Variants in TMEFF1 observed in about 807,000 individuals in gnomAD.
The protein encoded by TMEFF1 is tomoregulin-1.
In TMEFF1, 20 loss-of-function variants were observed where a neutral mutation model predicts 47.5. That is an observed-to-expected ratio of 0.42 (90% CI 0.30 to 0.61). The LOEUF is 0.61. Ranked by LOEUF, TMEFF1 falls within the 20% of genes least tolerant of loss-of-function variation. TMEFF1 has a pLI of 0.19. For synonymous variants in TMEFF1, 162 were observed against 166.3 expected, an observed-to-expected ratio of 0.97 and a Z score of 0.20; for missense variants, 411 against 471.1, an observed-to-expected ratio of 0.87 and a Z score of 1.18.
intron 3 of TMEFF1, among the ~76,000 whole-genome samples, chr9:100,512,849 A>T (rs1564014484): frequency 1.3e-5 from 2 of 151,986 alleles, no homozygotes; most frequent in Non-Finnish European, 2.9e-5. Flanking sequence ...TTTGGTCTTT[A>T]TCCGCAGATT....
chr9:100,497,320 C>CTTTTTTTTTTTTTT lies in TMEFF1; in HGVS notation c.197-1434_197-1421dup, dbSNP rs752427622. ...TCTTGCTTTAAGTTTCCACTCATGT[C>CTTTTTTTTTTTTTT]TTTTTTTTTTTTTTTTTTTTTTTTG... is the stretch of plus-strand genomic sequence containing the variant. On this transcript the variant is annotated intron_variant, in intron 1 of 9. Transcript: ENST00000374879. 7.8e-3 allele frequency among the ~76,000 whole-genome samples: 462 copies of CTTTTTTTTTTTTTT among 59,522 alleles called. 46 individuals carry two copies. The highest frequency in any genetic ancestry group is 9.4e-3 in the Non-Finnish European group (302 of 32,026). The allele number at this position is 59,522 out of a possible 152,430, so 39.0% of individuals were successfully genotyped here. A position where few individuals can be genotyped will look rare whatever the true frequency, so the allele number is the denominator to read the frequency against.
chr9:100,550,069 A>G (rs772562929), intron 6 of TMEFF1, 26 bp from the exon 7 acceptor site: 25 of 1,597,270 alleles, frequency 1.6e-5, no homozygotes, highest in Non-Finnish European at 2.0e-5. Flanking sequence ...TATATATTTT[A>G]ATTTGAAAAC....
intron 7 of TMEFF1, among the ~76,000 whole-genome samples, chr9:100,553,515 A>G (rs908445745): frequency 4.6e-5 from 7 of 152,214 alleles, no homozygotes; most frequent in African/African-American, 1.7e-4. Flanking sequence ...CTTAGCTCTT[A>G]GAGAAGAGTG....
Position 100,532,564 on chromosome 9 carries a change from C to T in TMEFF1, c.561-15180C>T, listed in dbSNP as rs1198785175. ...TACCATCTCACACTAGTTAGAATGG[C>T]GATCATTAAAAAGTCAGGAAACAAC... On this transcript the variant is annotated intron_variant, in intron 5 of 9. Coordinates refer to ENST00000374879, the MANE Select transcript of TMEFF1 (RefSeq NM_003692.5). Among the ~76,000 whole-genome samples, 154 of 151,798 alleles carry T rather than the reference C, an allele frequency of 1.0e-3. 1 individual carries two copies. The East Asian group carries it at 0.027, about 26-fold the overall frequency.
At chr9:100,555,146 T>C (rs533424666) in intron 7 of TMEFF1, among the ~76,000 whole-genome samples, 4 of 150,818 alleles carry the variant, frequency 2.7e-5, no homozygotes, top group African/African-American at 9.8e-5. Flanking sequence ...AGTATACTTT[T>C]TATATTGTAC....
intron 9 of TMEFF1, among the ~76,000 whole-genome samples, chr9:100,573,637 C>G (rs1054984205): frequency 6.6e-6 from 1 of 152,196 alleles, no homozygotes; most frequent in Non-Finnish European, 1.5e-5. Flanking sequence ...TGAAGCATAT[C>G]AAATACAGAT....
chr9:100,548,279 G>A (rs1336810622), intron 6 of TMEFF1, among the ~76,000 whole-genome samples: 1 of 151,924 alleles, frequency 6.6e-6, no homozygotes, highest in African/African-American at 2.4e-5. Context: ...TCTTTTTATA[G>A]AGCATAATAG....
At position 100,519,647 on chromosome 9, in the gene TMEFF1, C is replaced by CTTT. The variant is rs60569330; in HGVS notation, c.560+2903_560+2905dup. Among the ~76,000 whole-genome samples, 294 of 65,156 alleles carry CTTT rather than the reference C, an allele frequency of 4.5e-3. 25 individuals carry two copies. The highest frequency in any genetic ancestry group is 0.019 in the East Asian group (24 of 1,272). 42.7% of individuals were successfully genotyped at this position (65,156 alleles called of 152,430 possible). ...TACTTTGAGGACTGCTGCCCAGTGACTTTTTTTTTTTTTTTTTTTTTTTTT... is the reference window on the plus strand; with the variant it reads ...TACTTTGAGGACTGCTGCCCAGTGACTTTTTTTTTTTTTTTTTTTTTTTTTTTT... On this transcript the variant is annotated intron_variant, in intron 5 of 9. Coordinates refer to ENST00000374879, the MANE Select transcript of TMEFF1 (RefSeq NM_003692.5).
intron 5 of TMEFF1, among the ~76,000 whole-genome samples, chr9:100,519,862 T>G (rs572029327): frequency 5.3e-5 from 8 of 152,044 alleles, no homozygotes; most frequent in Non-Finnish European, 1.0e-4. Flanking sequence ...TGACTACACT[T>G]CATGTAAAAA....
At position 100,502,961 on chromosome 9, in the gene TMEFF1, C is replaced by T. The variant is rs534769091; in HGVS notation, c.306+4087C>T. 4.5e-4 allele frequency among the ~76,000 whole-genome samples: 69 copies of T among 152,270 alleles called. 1 individual carries two copies. The South Asian group carries it at 0.014, about 31-fold the overall frequency. ...TAGGAGCAAACTGCCTCAGGGCTTA[C>T]AGTATAGTTTGATCTTGCTGCCGAG... On this transcript the variant is annotated intron_variant, in intron 2 of 9. Coordinates refer to ENST00000374879, the MANE Select transcript of TMEFF1 (RefSeq NM_003692.5).
At chr9:100,482,056 T>C (rs1290407195) in intron 1 of TMEFF1, among the ~76,000 whole-genome samples, 1 of 152,026 alleles carries the variant, frequency 6.6e-6, no homozygotes, top group Non-Finnish European at 1.5e-5. Context: ...ATTACAGGCG[T>C]GAGCCACTGC....
At chr9:100,518,977 T>A (rs932969385) in intron 5 of TMEFF1, among the ~76,000 whole-genome samples, 1 of 152,198 alleles carries the variant, frequency 6.6e-6, no homozygotes, top group African/African-American at 2.4e-5. Context: ...AACCTATTAT[T>A]TATTAAGATG....
intron 5 of TMEFF1, among the ~76,000 whole-genome samples, chr9:100,531,556 A>G (rs1171187427): frequency 6.6e-6 from 1 of 152,098 alleles, no homozygotes; most frequent in African/African-American, 2.4e-5. Flanking sequence ...CTTCAAGGAG[A>G]ACTACAAACC....
intron 1 of TMEFF1, among the ~76,000 whole-genome samples, chr9:100,498,114 A>C (rs1235021239): frequency 6.6e-6 from 1 of 152,116 alleles, no homozygotes; most frequent in Non-Finnish European, 1.5e-5. Context: ...TGACCACAGA[A>C]TTCTGGTATT....
intron 1 of TMEFF1, among the ~76,000 whole-genome samples, chr9:100,487,256 TG>T: frequency 6.6e-6 from 1 of 152,268 alleles, no homozygotes; most frequent in Admixed American, 6.5e-5. Context: ...CTCTACCTCC[TG>T]GGTTCAAGCA....
At position 100,498,793 on chromosome 9, in the gene TMEFF1, A is replaced by G. The variant is rs1329907262; in HGVS notation, c.225A>G (p.Arg75=). Reference sequence around the variant, plus strand: ...TAAATGTGAGGGAGTCTGACGTAAGAGTTTGTGATGAGTCATCATGTAAAT... The same window carrying G: ...TAAATGTGAGGGAGTCTGACGTAAGGGTTTGTGATGAGTCATCATGTAAAT... The part of the protein sequence containing the change: ...SELNVRESDV[R]VCDESSCKYG... The change falls in exon 2 of 10, where the codon AGA becomes AGG. Residue 75 remains arginine, a synonymous_variant. Coordinates refer to ENST00000374879, the MANE Select transcript of TMEFF1 (RefSeq NM_003692.5). 1.2e-6 allele frequency: 2 copies of G among 1,613,876 alleles called. No individual in the cohort carries two copies. The highest frequency in any genetic ancestry group is 1.7e-6 in the Non-Finnish European group (2 of 1,179,906).
rs923841470 is a variant in TMEFF1 at position 100,547,953 on chromosome 9, T to G, written c.709+61T>G. 38 of 1,372,962 alleles carry G rather than the reference T, an allele frequency of 2.8e-5. No homozygotes were observed. In the African/African-American group the frequency reaches 4.2e-4, roughly 15 times the overall value. 85.0% of individuals were successfully genotyped at this position (1,372,962 alleles called of 1,614,324 possible). ...TATTATTGTATAAATGTAATCTTAT[T>G]TGTACATTTGGTAGTGTTTCAAATT... On this transcript the variant is annotated intron_variant, in intron 6 of 9. Coordinates refer to ENST00000374879, the MANE Select transcript of TMEFF1 (RefSeq NM_003692.5).
At chr9:100,574,298 ATTAGAG>A (rs1839307026) in intron 9 of TMEFF1, among the ~76,000 whole-genome samples, 1 of 152,210 alleles carries the variant, frequency 6.6e-6, no homozygotes, top group South Asian at 2.1e-4. Flanking sequence ...TTAAGTCATT[ATTAGAG>A]TTAAATAGGA....
intron 1 of TMEFF1, among the ~76,000 whole-genome samples, chr9:100,491,701 G>T (rs1837554746): frequency 6.6e-6 from 1 of 152,140 alleles, no homozygotes; most frequent in Admixed American, 6.6e-5. Context: ...ATACAGTAGG[G>T]ATCCTTTTGT....
Sources: allele counts gnomAD v4.1 joint callset (sites outside exome capture counted in the v4.1 genomes callset), GRCh38; gene constraint gnomAD v4.1.1; transcripts MANE v1.5; gene names NCBI Gene and HGNC (gene_info 2026-07-23, HGNC 2026-07-21).